SNX29: variants seen among roughly 807,000 people sequenced by gnomAD.
SNX29 encodes the protein sorting nexin 29.
Under a neutral mutation model 102.1 loss-of-function variants are expected in SNX29, and 78 were observed. The ratio of observed to expected loss-of-function variants is 0.76; its 90% CI spans 0.64 to 0.92. The LOEUF is 0.92. Among genes scored for constraint, SNX29 ranks in the 40% least tolerant of loss-of-function variants. The pLI is 0.00. For missense variants in SNX29, 1,280 were observed against 1,061.7 expected, an observed-to-expected ratio of 1.21 and a Z score of -2.86; for synonymous variants, 580 against 414.5, an observed-to-expected ratio of 1.40 and a Z score of -4.85.
chr16:12,545,107 G>C (rs2077528015), intron 20 of SNX29, among the ~76,000 whole-genome samples: 1 of 152,132 alleles, frequency 6.6e-6, no homozygotes, highest in African/African-American at 2.4e-5. Flanking sequence ...GGCTGCAGTA[G>C]CCAGCTCTGT....
At chr16:12,430,718 C>T (rs530837988) in intron 18 of SNX29, among the ~76,000 whole-genome samples, 3 of 152,224 alleles carry the variant, frequency 2.0e-5, no homozygotes, top group East Asian at 3.9e-4. Flanking sequence ...CTTTTGTTGT[C>T]CTCATTGTTC....
chr16:12,562,863 C>T (rs1174107865), intron 20 of SNX29, among the ~76,000 whole-genome samples: 2 of 152,154 alleles, frequency 1.3e-5, no homozygotes, highest in Non-Finnish European at 2.9e-5. Context: ...AGCTCCCGGT[C>T]TGTGCTTTGT....
At chr16:12,568,037 G>A (rs948597299) in intron 20 of SNX29, among the ~76,000 whole-genome samples, 8 of 152,130 alleles carry the variant, frequency 5.3e-5, no homozygotes, top group African/African-American at 1.2e-4. Context: ...CTAGCCCCTA[G>A]CCTAGGGCCT....
chr16:12,483,116 T>TTTTG (rs1567610178), intron 19 of SNX29, among the ~76,000 whole-genome samples: 2 of 93,074 alleles, frequency 2.1e-5, no homozygotes, highest in African/African-American at 1.1e-4. Flanking sequence ...GTTATTAAGT[T>TTTTG]TTTTTTTTTT....
intron 20 of SNX29, among the ~76,000 whole-genome samples, chr16:12,536,007 C>T (rs968762338): frequency 1.3e-5 from 2 of 152,166 alleles, no homozygotes; most frequent in African/African-American, 2.4e-5. Flanking sequence ...GTTCGACACG[C>T]ACTCGGAGCT....
intron 18 of SNX29, among the ~76,000 whole-genome samples, chr16:12,406,036 AAAAG>A (rs752911537): frequency 1.3e-5 from 2 of 152,172 alleles, no homozygotes; most frequent in African/African-American, 2.4e-5. Context: ...CTGCCTCAAA[AAAAG>A]AAAACAAGTA....
intron 18 of SNX29, among the ~76,000 whole-genome samples, chr16:12,405,261 C>T: frequency 6.6e-6 from 1 of 152,292 alleles, no homozygotes; most frequent in Non-Finnish European, 1.5e-5. Context: ...GACTTTTCCC[C>T]CTGTTTACCC....
In SNX29 at chr16:12,457,881, G is replaced by A. The variant is rs560760270; in HGVS notation, c.2038-19838G>A. Among the ~76,000 whole-genome samples, 4 of 152,326 alleles carry A rather than the reference G, an allele frequency of 2.6e-5. No homozygotes were observed. The South Asian group carries it at 6.2e-4, about 24-fold the overall frequency. The stretch of plus-strand genomic sequence containing the variant: ...CTGCATACGGGTGCAATTTGATTGC[G>A]TGGGGAGACAAAAGAGGGTTCCTCG... On this transcript the variant is annotated intron_variant, in intron 18 of 20. Transcript: ENST00000566228.
intron 13 of SNX29, among the ~76,000 whole-genome samples, chr16:12,165,189 A>T (rs1596400908): frequency 6.6e-6 from 1 of 152,242 alleles, no homozygotes; most frequent in East Asian, 1.9e-4. Context: ...TAAATCGAGT[A>T]GGCCTGTGTT....
chr16:12,212,343 T>A (rs1390541791), intron 14 of SNX29, among the ~76,000 whole-genome samples: 1 of 152,176 alleles, frequency 6.6e-6, no homozygotes, highest in Non-Finnish European at 1.5e-5. Flanking sequence ...ACTTTCCGCT[T>A]CTCAGGAGCA....
chr16:12,390,274 C>A (rs750408746), intron 16 of SNX29, among the ~76,000 whole-genome samples: 1 of 152,044 alleles, frequency 6.6e-6, no homozygotes, highest in Non-Finnish European at 1.5e-5. Flanking sequence ...GAAGTGTGAG[C>A]TGGACCAGCC....
chr16:12,407,415 G>A (rs1256703561), intron 18 of SNX29, among the ~76,000 whole-genome samples: 1 of 151,618 alleles, frequency 6.6e-6, no homozygotes, highest in African/African-American at 2.4e-5. Flanking sequence ...GTGATGTACA[G>A]TCCCCCTTTA....
chr16:12,521,340 C>T lies in SNX29; in HGVS notation c.2179-3362C>T, dbSNP rs535326958. Among the ~76,000 whole-genome samples, 8 of 151,980 alleles carry T rather than the reference C, an allele frequency of 5.3e-5. No homozygotes were observed. The South Asian group carries it at 1.7e-3, about 32-fold the overall frequency. ...GAACCTGGCTTAGGTTTCCAGGAAG[C>T]AGCTATTGTGAGGAGTGAGCACTTG... On this transcript the variant is annotated intron_variant, in intron 19 of 20. Coordinates refer to ENST00000566228, the MANE Select transcript of SNX29 (RefSeq NM_032167.5).
intron 13 of SNX29, among the ~76,000 whole-genome samples, chr16:12,134,322 T>A (rs1316679829): frequency 6.6e-6 from 1 of 152,236 alleles, no homozygotes; most frequent in Admixed American, 6.5e-5. Flanking sequence ...CAAATATTTA[T>A]GATTCCCCAC....
chr16:12,492,959 T>C (rs988825998), intron 19 of SNX29, among the ~76,000 whole-genome samples: 1 of 152,240 alleles, frequency 6.6e-6, no homozygotes, highest in African/African-American at 2.4e-5. Flanking sequence ...TGAAGTCAGG[T>C]AGGGTGATGC....
intron 14 of SNX29, among the ~76,000 whole-genome samples, chr16:12,275,881 GTT>G (rs34099498): frequency 0.44 from 45,794 of 105,086 alleles, 7,364 homozygotes; most frequent in Non-Finnish European, 0.49. Context: ...CATTTTAATT[GTT>G]TTTTTTTTTT....
intron 19 of SNX29, among the ~76,000 whole-genome samples, chr16:12,506,080 C>A (rs934683572): frequency 6.6e-6 from 1 of 152,198 alleles, no homozygotes; most frequent in Non-Finnish European, 1.5e-5. Flanking sequence ...CATGCCTCAG[C>A]CTTCTGAGTA....
intron 18 of SNX29, among the ~76,000 whole-genome samples, chr16:12,467,956 G>A (rs542627413): frequency 2.6e-5 from 4 of 152,202 alleles, no homozygotes; most frequent in Non-Finnish European, 4.4e-5. Context: ...CTCCAGCTCC[G>A]GCTCTGTGGC....
Position 12,572,905 on chromosome 16 carries a change from C to A in SNX29, c.*4276C>A. ...TCTGCCTTGGCATTTCGCTCGGAAT[C>A]ACGGCAGACTTGGAGTGTTTCTTCA... is the stretch of plus-strand genomic sequence containing the variant. On this transcript the variant is annotated 3_prime_UTR_variant, in exon 21 of 21. Coordinates refer to ENST00000566228, the MANE Select transcript of SNX29 (RefSeq NM_032167.5). The A allele has an allele frequency of 4.9e-6, 5 of 1,018,482 alleles. No homozygotes were observed. Among genetic ancestry groups the A allele is most frequent in the Non-Finnish European group, 6.0e-6 (5 of 837,174 alleles). 63.1% of individuals were successfully genotyped at this position (1,018,482 alleles called of 1,614,324 possible). A position where few individuals can be genotyped will look rare whatever the true frequency, so the allele number is the denominator to read the frequency against.
Sources: gnomAD v4.1 joint callset for allele counts (sites outside exome capture counted in the v4.1 genomes callset) on GRCh38, gnomAD v4.1.1 for gene constraint, MANE v1.5 for transcripts, NCBI Gene and HGNC (gene_info 2026-07-23, HGNC 2026-07-21) for gene names.